SLC9A9: variants seen among roughly 807,000 people sequenced by gnomAD.
SLC9A9 encodes the protein solute carrier family 9 member A9.
SLC9A9 carries 62 observed loss-of-function variants against 77.8 expected under a neutral mutation model. The observed-to-expected ratio is 0.80, with a 90% CI of 0.65 to 0.98. The LOEUF (loss-of-function observed/expected upper bound fraction) is 0.98. Ranked by LOEUF, SLC9A9 falls within the 50% of genes least tolerant of loss-of-function variation. The pLI, the probability that SLC9A9 is intolerant of heterozygous loss-of-function variation, is 0.00. For synonymous variants in SLC9A9, 320 were observed against 283.5 expected (o/e 1.13, Z -1.29); for missense variants, 775 against 774.9 (o/e 1.00, Z 0.00).
chr3:143,734,524 A>G (rs1486553258), intron 4 of SLC9A9, among the ~76,000 whole-genome samples: 2 of 152,112 alleles, frequency 1.3e-5, no homozygotes, highest in Non-Finnish European at 2.9e-5. Flanking sequence ...TCACGAGGTC[A>G]GGAGATCGAG....
intron 4 of SLC9A9, among the ~76,000 whole-genome samples, chr3:143,777,424 A>G (rs2007726839): frequency 6.6e-6 from 1 of 152,226 alleles, no homozygotes; most frequent in South Asian, 2.1e-4. Context: ...TTCCTTAAAA[A>G]TGTTTAAGTA....
At chr3:143,366,188 A>G (rs952464637) in intron 13 of SLC9A9, among the ~76,000 whole-genome samples, 2 of 152,248 alleles carry the variant, frequency 1.3e-5, no homozygotes, top group African/African-American at 2.4e-5. Context: ...GATGTTCCCA[A>G]TAATGATGGT....
intron 8 of SLC9A9, among the ~76,000 whole-genome samples, chr3:143,558,777 A>C (rs1204154694): frequency 1.3e-5 from 2 of 152,152 alleles, no homozygotes; most frequent in African/African-American, 4.8e-5. Flanking sequence ...TTTTGGGTTA[A>C]TACTGGAATA....
chr3:143,350,765 G>C (rs900742919), intron 14 of SLC9A9, among the ~76,000 whole-genome samples: 1 of 152,146 alleles, frequency 6.6e-6, no homozygotes, highest in Non-Finnish European at 1.5e-5. Context: ...GAGTTCCATA[G>C]CTGAGGGGCT....
At chr3:143,278,945 C>CA (rs372615271) in intron 14 of SLC9A9, among the ~76,000 whole-genome samples, 1 of 151,982 alleles carries the variant, frequency 6.6e-6, no homozygotes, top group African/African-American at 2.4e-5. Flanking sequence ...TCTTTGACCA[C>CA]AAAAAATGGA....
At chr3:143,310,733 T>C (rs554717818) in intron 14 of SLC9A9, among the ~76,000 whole-genome samples, 117 of 152,228 alleles carry the variant, frequency 7.7e-4, no homozygotes, top group Non-Finnish European at 1.2e-3. Flanking sequence ...GAGAGGGCAG[T>C]GATGAGAACT....
intron 5 of SLC9A9, among the ~76,000 whole-genome samples, chr3:143,672,286 T>C (rs1388477602): frequency 1.3e-5 from 2 of 152,080 alleles, no homozygotes; most frequent in African/African-American, 4.8e-5. Flanking sequence ...AAGTGTAATA[T>C]AGGCTAAAAC....
At chr3:143,692,043 A>T (rs1041126581) in intron 5 of SLC9A9, among the ~76,000 whole-genome samples, 5 of 152,172 alleles carry the variant, frequency 3.3e-5, no homozygotes, top group Non-Finnish European at 5.9e-5. Context: ...ATACCAAAAA[A>T]GTTGAACCTG....
intron 9 of SLC9A9, among the ~76,000 whole-genome samples, chr3:143,514,828 A>G (rs2036177119): frequency 6.6e-6 from 1 of 152,194 alleles, no homozygotes. Context: ...AACTTTCTCT[A>G]TATCAGCAGT....
At chr3:143,543,182 A>G (rs533352294) in intron 9 of SLC9A9, among the ~76,000 whole-genome samples, 1 of 152,344 alleles carries the variant, frequency 6.6e-6, no homozygotes, top group South Asian at 2.1e-4. Context: ...TATAGGATAG[A>G]ATTCTTCCAA....
chr3:143,598,764 G>A (rs1336516198), intron 6 of SLC9A9, among the ~76,000 whole-genome samples: 1 of 152,240 alleles, frequency 6.6e-6, no homozygotes, highest in Non-Finnish European at 1.5e-5. Flanking sequence ...TTTCCAGTTA[G>A]AGGAAGCGTG....
chr3:143,830,031 C>A (rs2009396859), intron 2 of SLC9A9, among the ~76,000 whole-genome samples: 1 of 152,140 alleles, frequency 6.6e-6, no homozygotes, highest in African/African-American at 2.4e-5. Flanking sequence ...TCCTTATAAG[C>A]CTCCCAAAGG....
At chr3:143,654,678 C>T (rs1349559542) in intron 5 of SLC9A9, among the ~76,000 whole-genome samples, 1 of 152,106 alleles carries the variant, frequency 6.6e-6, no homozygotes, top group African/African-American at 2.4e-5. Flanking sequence ...ATCATGGCCT[C>T]TCTATTGTTA....
chr3:143,362,090 C>T lies in SLC9A9; in HGVS notation c.1604+1394G>A, dbSNP rs7427171. Among the ~76,000 whole-genome samples the T allele has an allele frequency of 6.6e-3, 1,007 of 152,202 alleles. 7 individuals carry two copies. The highest frequency in any genetic ancestry group is 0.023 in the African/African-American group (947 of 41,536). ...AAGAGAGATCAACCAGGAGCAAAAA[C>T]CAGCAATAACTTTCTAAGAACGAGC... On this transcript the variant is annotated intron_variant, in intron 14 of 15. Transcript: ENST00000316549.
Position 143,266,726 on chromosome 3 carries a change from AG to A in SLC9A9, c.1913del (p.Thr638IlefsTer7). On this transcript the variant is annotated frameshift_variant, in exon 16 of 16. Coordinates refer to ENST00000316549, the MANE Select transcript of SLC9A9 (RefSeq NM_173653.4). LOFTEE classifies it high-confidence loss of function. ...ATTAATTCAACTGGGATTGACCCAAAGTTTGCTCAAGCTTGAGTTCATAGCC... is the reference window on the plus strand; with the variant it reads ...ATTAATTCAACTGGGATTGACCCAAATTTGCTCAAGCTTGAGTTCATAGCC... ...LGGYELKLEQ[T>X]LGQSQLN The A allele has an allele frequency of 6.2e-7, 1 of 1,614,126 alleles. No homozygotes were observed. Among genetic ancestry groups the A allele is most frequent in the Non-Finnish European group, 8.5e-7 (1 of 1,180,022 alleles).
intron 4 of SLC9A9, among the ~76,000 whole-genome samples, chr3:143,717,486 T>C (rs148587809): frequency 1.3e-5 from 2 of 152,352 alleles, no homozygotes; most frequent in Admixed American, 1.3e-4. Flanking sequence ...ATTCAGGCTA[T>C]GAGCTTCTCT....
chr3:143,405,876 T>A lies in SLC9A9; in HGVS notation c.1470-23762A>T, dbSNP rs77799570. Among the ~76,000 whole-genome samples, 36 of 152,366 alleles carry A rather than the reference T, an allele frequency of 2.4e-4. No individual in the cohort carries two copies. In the East Asian group the frequency reaches 6.2e-3, roughly 26 times the overall value. ...TCTAACTAAAATTGAATAGATTTTCTTGAACAAATGCTTCTGGATTCTCTA... is the reference window on the plus strand; with the variant it reads ...TCTAACTAAAATTGAATAGATTTTCATGAACAAATGCTTCTGGATTCTCTA... On this transcript the variant is annotated intron_variant, in intron 12 of 15. Coordinates refer to ENST00000316549, the MANE Select transcript of SLC9A9 (RefSeq NM_173653.4).
chr3:143,785,506 C>T lies in SLC9A9; in HGVS notation c.533+9495G>A, dbSNP rs150141060. Among the ~76,000 whole-genome samples the T allele has an allele frequency of 9.9e-3, 1,501 of 152,344 alleles. 10 individuals are homozygous for T. Among genetic ancestry groups the T allele is most frequent in the Middle Eastern group, 0.037 (11 of 294 alleles). The stretch of plus-strand genomic sequence containing the variant: ...ATGAATGTGGTCACATGGGTGACCT[C>T]AGATGAGAACCACAGAACTGCCCAG... On this transcript the variant is annotated intron_variant, in intron 4 of 15. Coordinates refer to ENST00000316549, the MANE Select transcript of SLC9A9 (RefSeq NM_173653.4).
intron 2 of SLC9A9, among the ~76,000 whole-genome samples, chr3:143,827,565 G>T (rs986950838): frequency 6.6e-6 from 1 of 152,082 alleles, no homozygotes; most frequent in African/African-American, 2.4e-5. Flanking sequence ...ATATTTTCCA[G>T]TTTTATACCT....
Sources: allele counts gnomAD v4.1 joint callset (sites outside exome capture counted in the v4.1 genomes callset), GRCh38; gene constraint gnomAD v4.1.1; transcripts MANE v1.5; gene names NCBI Gene and HGNC (gene_info 2026-07-23, HGNC 2026-07-21).